Variants in MKNK1 observed in about 807,000 individuals in gnomAD.
The protein encoded by MKNK1 is MAP kinase-interacting serine/threonine-protein kinase 1.
In MKNK1, 30 loss-of-function variants were observed where a neutral mutation model predicts 49.3. That is an observed-to-expected ratio of 0.61 (90% CI 0.46 to 0.83). MKNK1 has a LOEUF of 0.83. Among genes scored for constraint, MKNK1 ranks in the 40% least tolerant of loss-of-function variants. MKNK1 has a pLI of 0.00. For missense variants in MKNK1, 423 were observed against 524.7 expected, an observed-to-expected ratio of 0.81 and a Z score of 1.89; for synonymous variants, 176 against 201.7, an observed-to-expected ratio of 0.87 and a Z score of 1.08.
rs193272515 is a variant in MKNK1, at chr1:46,576,649, G to A, written c.204C>T (p.Ile68=). 78 of 1,613,998 alleles carry A rather than the reference G, an allele frequency of 4.8e-5. No homozygotes were observed. The Admixed American group carries it at 1.0e-3, about 21-fold the overall frequency. The change falls in exon 5 of 13, where the codon ATC becomes ATT. Residue 68 remains isoleucine (I), a synonymous_variant. Transcript: ENST00000371945. ...QNGKEYAVKI[I]EKQAGHSRSR... ...TCCGACTGTGCCCTGCTTGTTTCTC[G>A]ATGATCTGTGGGAAGAATAAAATCT... is the stretch of plus-strand genomic sequence containing the variant.
intron 7 of MKNK1, 143 bp from the exon 8 acceptor site, chr1:46,568,641 G>A (rs991282590): frequency 1.3e-6 from 1 of 780,320 alleles, no homozygotes; most frequent in Non-Finnish European, 2.1e-6. Context: ...AGCTGCAGGA[G>A]GCAGAAGTAA....
chr1:46,573,295 G>A (rs945656426), intron 6 of MKNK1, among the ~76,000 whole-genome samples: 1 of 152,180 alleles, frequency 6.6e-6, no homozygotes, highest in African/African-American at 2.4e-5. Flanking sequence ...ACCACACTGG[G>A]TCTGGCCTCA....
chr1:46,579,523 T>G (rs1671447811), intron 4 of MKNK1, among the ~76,000 whole-genome samples: 1 of 152,250 alleles, frequency 6.6e-6, no homozygotes, highest in Admixed American at 6.5e-5. Flanking sequence ...CATTCACAAC[T>G]GCCCTTCCTA....
intron 1 of MKNK1, among the ~76,000 whole-genome samples, chr1:46,601,362 GT>G (rs1674712792): frequency 6.6e-6 from 1 of 152,232 alleles, no homozygotes. Context: ...TGCTGAGGCT[GT>G]TGGCAAGGGA....
chr1:46,579,911 T>C (rs903097377), intron 4 of MKNK1, among the ~76,000 whole-genome samples: 1 of 152,148 alleles, frequency 6.6e-6, no homozygotes, highest in Admixed American at 6.5e-5. Flanking sequence ...TGAGACATCA[T>C]TCAGATGTTA....
At position 46,558,532 on chromosome 1, in the gene MKNK1, T is replaced by C. The variant is rs748181980; in HGVS notation, c.*43A>G. ...AGCCACACAGGTTTCCAGGGGACAA[T>C]GCCTGGCCAGGCCTAGGGCCTATAA... On this transcript the variant is annotated 3_prime_UTR_variant, in exon 13 of 13. Transcript: ENST00000371945. 2.0e-6 allele frequency: 3 copies of C among 1,526,926 alleles called. No individual in the cohort carries two copies. Among genetic ancestry groups the C allele is most frequent in the Non-Finnish European group, 2.6e-6 (3 of 1,135,394 alleles). 94.6% of individuals were successfully genotyped at this position (1,526,926 alleles called of 1,614,324 possible).
intron 9 of MKNK1, chr1:46,563,616 C>T (rs1668437235): frequency 6.6e-6 from 1 of 152,112 alleles, no homozygotes; most frequent in Middle Eastern, 3.2e-3. Context: ...TTGTTATTGT[C>T]AATTAGAATT....
Position 46,583,268 on chromosome 1 carries a change from C to T in MKNK1, c.60G>A (p.Arg20=). ...GCAAGGAGTCAGTGGCCCGGCCCCT[C>T]CGCTTCTTCTTCCTCCTCCTGTCAC... ...ADGDRRRKKK[R]RGRATDSLPG... Residue 20 remains arginine, a synonymous_variant, in exon 3 of 13, where the codon CGG becomes CGA. Transcript: ENST00000371945. 6.2e-7 allele frequency: 1 copy of T among 1,614,068 alleles called. No homozygotes were observed. Among genetic ancestry groups the T allele is most frequent in the Non-Finnish European group, 8.5e-7 (1 of 1,179,996 alleles).
At position 46,565,050 on chromosome 1, in the gene MKNK1, C is replaced by CAGCTCTGGTGTGGTT. The variant is rs1450573768; in HGVS notation, c.585_599dup (p.Glu199_Pro203dup). 2 of 1,614,112 alleles carry CAGCTCTGGTGTGGTT rather than the reference C, an allele frequency of 1.2e-6. No individual in the cohort carries two copies. The highest frequency in any genetic ancestry group is 1.3e-5 in the African/African-American group (1 of 75,046). On this transcript the variant is annotated inframe_insertion, in exon 9 of 13. Coordinates refer to ENST00000371945, the MANE Select transcript of MKNK1 (RefSeq NM_001135553.4). Reference sequence around the variant, plus strand: ...GAGGAAGCATACGTACTGGGGTGGTCAGCTCTGGTGTGGTTATGGGGGTAC... The same window carrying CAGCTCTGGTGTGGTT: ...GAGGAAGCATACGTACTGGGGTGGTCAGCTCTGGTGTGGTTAGCTCTGGTGTGGTTATGGGGGTAC...
chr1:46,562,195 A>G (rs1190487228), intron 10 of MKNK1, among the ~76,000 whole-genome samples: 2 of 152,012 alleles, frequency 1.3e-5, no homozygotes, highest in Admixed American at 1.3e-4. Context: ...GGAGATTGAG[A>G]CCATCCTGGC....
At chr1:46,566,770 C>T (rs571555160) in intron 8 of MKNK1, among the ~76,000 whole-genome samples, 1 of 152,234 alleles carries the variant, frequency 6.6e-6, no homozygotes, top group Admixed American at 6.5e-5. Flanking sequence ...ACTTGTTGGA[C>T]ATTTGTGTAC....
At chr1:46,581,031 G>T (rs1332692216) in intron 3 of MKNK1, among the ~76,000 whole-genome samples, 1 of 151,894 alleles carries the variant, frequency 6.6e-6, no homozygotes, top group East Asian at 1.9e-4. Flanking sequence ...GAACCAATCT[G>T]GCCAACATAG....
chr1:46,568,948 G>A (rs1365708984), intron 7 of MKNK1: 1 of 158,902 alleles, frequency 6.3e-6, no homozygotes, highest in Non-Finnish European at 1.4e-5. Flanking sequence ...AATTCCTTCA[G>A]TGCGACTGTC....
rs577778037 is a variant in MKNK1 at position 46,587,286 on chromosome 1, G to A, written c.-2-3957C>T. 5.3e-4 allele frequency among the ~76,000 whole-genome samples: 80 copies of A among 152,282 alleles called. 1 individual carries two copies. Among genetic ancestry groups the A allele is most frequent in the Admixed American group, 4.6e-3 (71 of 15,300 alleles). ...CTTGCCTTCCTCTTGGGAACGGCTCGGCGGTCCACCACATGTGTCTATTAG... is the reference window on the plus strand; with the variant it reads ...CTTGCCTTCCTCTTGGGAACGGCTCAGCGGTCCACCACATGTGTCTATTAG... On this transcript the variant is annotated intron_variant, in intron 2 of 12. Coordinates refer to ENST00000371945, the MANE Select transcript of MKNK1 (RefSeq NM_001135553.4).
intron 1 of MKNK1, among the ~76,000 whole-genome samples, chr1:46,595,259 T>C (rs558491764): frequency 1.3e-5 from 2 of 152,172 alleles, no homozygotes; most frequent in Non-Finnish European, 2.9e-5. Context: ...GAAATAAATA[T>C]GCATTTCCCC....
intron 8 of MKNK1, among the ~76,000 whole-genome samples, chr1:46,567,884 G>C (rs1248453334): frequency 1.3e-5 from 2 of 152,236 alleles, no homozygotes; most frequent in African/African-American, 4.8e-5. Flanking sequence ...ACTTTGGAAA[G>C]CCAAGGCAGG....
At chr1:46,578,896 C>G (rs1281144352) in intron 4 of MKNK1, among the ~76,000 whole-genome samples, 2 of 152,024 alleles carry the variant, frequency 1.3e-5, no homozygotes, top group African/African-American at 4.8e-5. Flanking sequence ...GCTGGGATTA[C>G]AGGAATGCAC....
At chr1:46,580,255 G>A (rs542624757) in intron 4 of MKNK1, among the ~76,000 whole-genome samples, 1 of 152,304 alleles carries the variant, frequency 6.6e-6, no homozygotes, top group African/African-American at 2.4e-5. Flanking sequence ...GCCAGGCATT[G>A]TGCTAAGCAC....
At chr1:46,564,683 C>T (rs1302806443) in intron 9 of MKNK1, among the ~76,000 whole-genome samples, 4 of 151,968 alleles carry the variant, frequency 2.6e-5, no homozygotes, top group African/African-American at 9.7e-5. Context: ...CCATGTTGGT[C>T]AGGCTGGTCT....
Sources: allele counts gnomAD v4.1 joint callset (sites outside exome capture counted in the v4.1 genomes callset), GRCh38; gene constraint gnomAD v4.1.1; transcripts MANE v1.5; gene names NCBI Gene and HGNC (gene_info 2026-07-23, HGNC 2026-07-21).